The following DHX37 variants were observed in gnomAD, a reference collection of about 807,000 sequenced individuals.
DHX37 encodes the protein DEAH-box helicase 37.
Under a neutral mutation model 134.3 loss-of-function variants are expected in DHX37, and 52 were observed. The observed-to-expected ratio is 0.39, with a 90% CI of 0.31 to 0.49. DHX37 has a LOEUF of 0.49. Ranked by LOEUF, DHX37 falls within the 20% of genes least tolerant of loss-of-function variation. DHX37 has a pLI of 0.93. For missense variants in DHX37, 1,344 were observed against 1,580.8 expected (o/e 0.85, Z 2.54); for synonymous variants, 634 against 670.7 (o/e 0.95, Z 0.85).
intron 15 of DHX37, among the ~76,000 whole-genome samples, chr12:124,963,308 TC>T (rs1332361849): frequency 6.6e-6 from 1 of 152,202 alleles, no homozygotes; most frequent in East Asian, 1.9e-4. Context: ...AACAGGCACA[TC>T]CCTATAGACA....
chr12:124,975,474 C>T lies in DHX37; in HGVS notation c.925G>A (p.Val309Met), dbSNP rs1954619190. ...SIIGVTEPRR[V>M]AAVAMSQRVA... ...CGCTGGGACATGGCCACGGCGGCCA[C>T]TCGGCGGGGCTCCGTGACACCGATG... Residue 309 changes from valine to methionine, a missense_variant, in exon 6 of 27, where the codon GTG (valine) becomes ATG (methionine). Physicochemically the swap from Val to Met is conservative, Grantham distance 21. Coordinates refer to ENST00000308736, the MANE Select transcript of DHX37 (RefSeq NM_032656.4). 1 of 1,612,670 alleles carries T rather than the reference C, an allele frequency of 6.2e-7. No homozygotes were observed. The highest frequency in any genetic ancestry group is 8.5e-7 in the Non-Finnish European group (1 of 1,180,026).
intron 25 of DHX37, chr12:124,948,563 A>C: frequency 3.8e-6 from 1 of 260,466 alleles, no homozygotes; most frequent in Non-Finnish European, 7.5e-6. Flanking sequence ...CCTGGCTAAC[A>C]TGGTGAAACC....
chr12:124,974,022 C>T (rs569321362), intron 6 of DHX37, among the ~76,000 whole-genome samples: 3 of 149,190 alleles, frequency 2.0e-5, no homozygotes, highest in Admixed American at 6.8e-5. Context: ...ATCTCAATCT[C>T]GGCTCACTGC....
At chr12:124,970,469 T>C (rs960591243) in intron 8 of DHX37, among the ~76,000 whole-genome samples, 1 of 152,162 alleles carries the variant, frequency 6.6e-6, no homozygotes, top group Non-Finnish European at 1.5e-5. Context: ...GACCTTTGCA[T>C]TGCTCTCCTC....
rs1019409120 is a variant in DHX37 at position 124,949,357 on chromosome 12, G to A, written c.3290+629C>T. Among the ~76,000 whole-genome samples the A allele has an allele frequency of 6.6e-6, 1 of 152,238 alleles. No homozygotes were observed. Among genetic ancestry groups the A allele is most frequent in the Non-Finnish European group, 1.5e-5 (1 of 68,036 alleles). On this transcript the variant is annotated intron_variant, in intron 25 of 26. Transcript: ENST00000308736. The surrounding 1 kb of genome is among the most constrained non-coding windows in gnomAD (Gnocchi z 4.0). ...CCATAGGCCCCACCAGCCCCAGGAA[G>A]GGGGAGGTGTCTGTGGGTCTGGACC...
intron 18 of DHX37, among the ~76,000 whole-genome samples, chr12:124,955,646 A>G (rs1460764122): frequency 1.3e-5 from 2 of 152,242 alleles, no homozygotes; most frequent in African/African-American, 4.8e-5. Context: ...ACTGACCCTG[A>G]AAAGATACAG....
chr12:124,968,584 C>A lies in DHX37; in HGVS notation c.1358G>T (p.Ser453Ile), dbSNP rs897978682. 6.2e-7 allele frequency: 1 copy of A among 1,614,120 alleles called. No homozygotes were observed. The change falls in exon 10 of 27, where the codon AGT (serine) becomes ATT (isoleucine). Residue 453 changes from serine (S) to isoleucine (I), a missense_variant. Physicochemically the swap from Ser to Ile is moderately radical, Grantham distance 142 (BLOSUM62 -2). This residue lies in a region of DHX37 where 289 missense variants were observed against 323.8 expected (regional missense o/e 0.89). Transcript: ENST00000308736. ...FNKRTPLEDY[S>I]GECFRKVCKI... ...GCAGACCTTCCGGAAGCACTCGCCACTGTAGTCTTCCAGCGGTGTCCGCTT... is the reference window on the plus strand; with the variant it reads ...GCAGACCTTCCGGAAGCACTCGCCAATGTAGTCTTCCAGCGGTGTCCGCTT...
chr12:124,976,626 G>A (rs1023355501), intron 5 of DHX37, among the ~76,000 whole-genome samples: 104 of 152,200 alleles, frequency 6.8e-4, no homozygotes, highest in African/African-American at 2.1e-3. Flanking sequence ...TCAGGAGATC[G>A]AGACCATCCC....
Position 124,980,624 on chromosome 12 carries a change from C to G in DHX37, c.604G>C (p.Ala202Pro), listed in dbSNP as rs1387465047. 1.2e-6 allele frequency: 2 copies of G among 1,608,686 alleles called. No individual in the cohort carries two copies. Among genetic ancestry groups the G allele is most frequent in the Non-Finnish European group, 1.7e-6 (2 of 1,179,524 alleles). The change falls in exon 4 of 27, where the codon GCT (alanine) becomes CCT (proline). Residue 202 changes from alanine to proline, a missense_variant. This residue lies in a region of DHX37 where 319 missense variants were observed against 296.1 expected (regional missense o/e 1.08). Coordinates refer to ENST00000308736, the MANE Select transcript of DHX37 (RefSeq NM_032656.4). The surrounding 1 kb of genome is among the most constrained non-coding windows in gnomAD (Gnocchi z 5.3). ...VGTTVAPLPP[A>P]PAPSSQPVPA... ...ACGGGCTGACTGCTGGGTGCTGGAGCTGGCGGCAGAGGTGCCACGGTGGTC... is the reference window on the plus strand; with the variant it reads ...ACGGGCTGACTGCTGGGTGCTGGAGGTGGCGGCAGAGGTGCCACGGTGGTC...
At position 124,960,302 on chromosome 12, in the gene DHX37, A is replaced by G. The variant is rs201028074; in HGVS notation, c.2157+10T>C. On this transcript the variant is annotated intron_variant, in intron 16 of 26. Coordinates refer to ENST00000308736, the MANE Select transcript of DHX37 (RefSeq NM_032656.4). ...GGTGGCTGAGAGCGGGGCTGGGGGC[A>G]GCAACTGACCTTTTCAACGTTGAGC... The G allele has an allele frequency of 4.5e-4, 720 of 1,608,578 alleles. 4 individuals are homozygous for G. The African/African-American group carries it at 8.1e-3, about 18-fold the overall frequency.
chr12:124,950,493 A>G lies in DHX37; in HGVS notation c.3041T>C (p.Phe1014Ser). ...IPALLPSYCQ[F>S]DKPLEEPAPT... ...GGCTGGTTCCTCCAGGGGCTTGTCA[A>G]ACTGGCAGTAAGAGGGCAGCAGGGC... Residue 1014 changes from phenylalanine (F) to serine (S), a missense_variant, in exon 23 of 27, where the codon TTT becomes TCT. Transcript: ENST00000308736. 1 of 1,571,988 alleles carries G rather than the reference A, an allele frequency of 6.4e-7. No individual in the cohort carries two copies. The highest frequency in any genetic ancestry group is 1.2e-5 in the South Asian group (1 of 84,940).
At chr12:124,954,589 A>G (rs67292428) in intron 18 of DHX37, among the ~76,000 whole-genome samples, 40,119 of 151,836 alleles carry the variant, frequency 0.26, 7,060 homozygotes, top group African/African-American at 0.5. Flanking sequence ...TAGTAGAGAC[A>G]GAGTTTCACC....
intron 7 of DHX37, among the ~76,000 whole-genome samples, chr12:124,971,808 C>A (rs954357200): frequency 6.6e-6 from 1 of 152,212 alleles, no homozygotes; most frequent in African/African-American, 2.4e-5. Context: ...AGACAGCAGT[C>A]CCCCACCCGG....
At chr12:124,959,148 A>G in intron 16 of DHX37, among the ~76,000 whole-genome samples, 1 of 139,500 alleles carries the variant, frequency 7.2e-6, no homozygotes, top group Non-Finnish European at 1.5e-5. Flanking sequence ...ATCTCGGCCC[A>G]TTGCAACCTC....
chr12:124,966,971 G>T (rs530835347), intron 11 of DHX37, 93 bp from the exon 12 acceptor site: 2 of 1,549,222 alleles, frequency 1.3e-6, no homozygotes, highest in African/African-American at 1.4e-5. Flanking sequence ...GCCACTCAGT[G>T]GTGGCCATTT....
At chr12:124,971,079 T>C (rs1450249693) in intron 8 of DHX37, among the ~76,000 whole-genome samples, 4 of 152,226 alleles carry the variant, frequency 2.6e-5, no homozygotes, top group Admixed American at 2.6e-4. Flanking sequence ...TTTATGAGGC[T>C]GGCACCGGGG....
intron 7 of DHX37, among the ~76,000 whole-genome samples, chr12:124,972,121 G>A (rs77279654): frequency 0.12 from 18,928 of 152,196 alleles, 1,421 homozygotes; most frequent in South Asian, 0.19. Context: ...AGGGGGCTGT[G>A]TCTGGACCCG....
intron 8 of DHX37, 130 bp downstream of exon 8, chr12:124,971,172 G>T: frequency 1.4e-6 from 2 of 1,420,106 alleles, no homozygotes; most frequent in Non-Finnish European, 1.9e-6. Context: ...GGGAGACCTT[G>T]TGCTCGGGGT....
At chr12:124,953,635 G>T in intron 20 of DHX37, 1 of 604,282 alleles carries the variant, frequency 1.7e-6, no homozygotes, top group East Asian at 3.5e-5. Context: ...GGGAAAAGGT[G>T]AAACCGAGCG....
Sources: gnomAD v4.1 joint callset for allele counts (sites outside exome capture counted in the v4.1 genomes callset) on GRCh38, gnomAD v4.1.1 for gene constraint, gnomAD v4.1.1 regional missense constraint, Gnocchi (gnomAD v3.1) non-coding constraint, MANE v1.5 for transcripts, NCBI Gene and HGNC (gene_info 2026-07-23, HGNC 2026-07-21) for gene names.